Variants in NLGN1 observed in about 807,000 individuals in gnomAD.
NLGN1 encodes the protein neuroligin-1.
A neutral mutation model predicts 65.5 loss-of-function variants in NLGN1; 12 were observed. The ratio of observed to expected loss-of-function variants is 0.18; its 90% CI spans 0.12 to 0.30. The LOEUF (loss-of-function observed/expected upper bound fraction) is 0.30. Ranked by LOEUF, NLGN1 falls within the 10% of genes least tolerant of loss-of-function variation. The probability of loss-of-function intolerance (pLI) is 1.00; values close to 1 mark genes in which losing one functional copy is unlikely to be tolerated. For synonymous variants in NLGN1, 350 were observed against 359.5 expected (o/e 0.97, Z 0.30); for missense variants, 750 against 1,007.1 (o/e 0.74, Z 3.46).
At chr3:173,687,320 A>G (rs1430927448) in intron 3 of NLGN1, among the ~76,000 whole-genome samples, 1 of 152,230 alleles carries the variant, frequency 6.6e-6, no homozygotes, top group Non-Finnish European at 1.5e-5. Context: ...TGATTTTTAA[A>G]AGTAATTTTA....
intron 3 of NLGN1, among the ~76,000 whole-genome samples, chr3:173,651,732 T>A (rs531337727): frequency 6.6e-6 from 1 of 152,296 alleles, no homozygotes; most frequent in Admixed American, 6.5e-5. Context: ...CATTTTTTTT[T>A]ATGCTTGTTG....
At chr3:174,151,834 C>G (rs555396373) in intron 4 of NLGN1, among the ~76,000 whole-genome samples, 3 of 152,216 alleles carry the variant, frequency 2.0e-5, no homozygotes, top group South Asian at 4.1e-4. Context: ...CTCTTTTGCT[C>G]TTCGACTGAT....
chr3:174,124,639 A>G (rs1347647938), intron 4 of NLGN1, among the ~76,000 whole-genome samples: 1 of 144,240 alleles, frequency 6.9e-6, no homozygotes, highest in Non-Finnish European at 1.5e-5. Context: ...ATACGTATAT[A>G]TATAAGTACA....
At chr3:173,945,681 T>C (rs1189770466) in intron 4 of NLGN1, among the ~76,000 whole-genome samples, 1 of 152,222 alleles carries the variant, frequency 6.6e-6, no homozygotes, top group Non-Finnish European at 1.5e-5. Flanking sequence ...ACATTATATG[T>C]TCAGTATGTA....
intron 1 of NLGN1, among the ~76,000 whole-genome samples, chr3:173,410,343 C>A (rs1184540051): frequency 1.3e-5 from 2 of 152,220 alleles, no homozygotes; most frequent in African/African-American, 4.8e-5. Flanking sequence ...TGCTCACCTA[C>A]TAATAGCCAT....
chr3:173,533,477 G>A (rs184683244), intron 2 of NLGN1, among the ~76,000 whole-genome samples: 20 of 152,178 alleles, frequency 1.3e-4, no homozygotes, highest in Non-Finnish European at 5.9e-5. Context: ...TCTGAGATGT[G>A]GCAGGTCTTA....
At chr3:173,803,431 C>T (rs1251334873) in intron 3 of NLGN1, among the ~76,000 whole-genome samples, 1 of 151,788 alleles carries the variant, frequency 6.6e-6, no homozygotes, top group South Asian at 2.1e-4. Flanking sequence ...CAAGACTGTC[C>T]AACGTGGTGA....
chr3:173,881,243 C>T (rs930406370), intron 4 of NLGN1, among the ~76,000 whole-genome samples: 9 of 151,046 alleles, frequency 6.0e-5, no homozygotes, highest in Admixed American at 2.0e-4. Flanking sequence ...GGACAATAGG[C>T]GCACAACACC....
chr3:173,539,876 T>A (rs1738503934), intron 2 of NLGN1, among the ~76,000 whole-genome samples: 1 of 141,078 alleles, frequency 7.1e-6, no homozygotes, highest in Non-Finnish European at 1.5e-5. Flanking sequence ...TATATATATC[T>A]TATATATATG....
At chr3:173,772,872 C>T (rs1352294727) in intron 3 of NLGN1, among the ~76,000 whole-genome samples, 4 of 152,106 alleles carry the variant, frequency 2.6e-5, no homozygotes, top group African/African-American at 7.2e-5. Flanking sequence ...AGCTTCCTCT[C>T]CTTCAGCCAG....
chr3:173,514,194 G>T (rs1733458168), intron 2 of NLGN1, among the ~76,000 whole-genome samples: 1 of 152,142 alleles, frequency 6.6e-6, no homozygotes, highest in Admixed American at 6.5e-5. Context: ...TTGTATTGAA[G>T]AATAATTACC....
At chr3:173,502,497 T>C (rs538669459) in intron 2 of NLGN1, among the ~76,000 whole-genome samples, 1 of 152,260 alleles carries the variant, frequency 6.6e-6, no homozygotes, top group African/African-American at 2.4e-5. Flanking sequence ...ATTTCATTTT[T>C]CACAAAAGGG....
At chr3:173,565,063 G>A (rs915437653) in intron 2 of NLGN1, among the ~76,000 whole-genome samples, 1 of 152,168 alleles carries the variant, frequency 6.6e-6, no homozygotes, top group Non-Finnish European at 1.5e-5. Context: ...TGCCCAGGAT[G>A]ATAAGGATGA....
chr3:173,582,392 G>C (rs1424693806), intron 2 of NLGN1, among the ~76,000 whole-genome samples: 1 of 151,888 alleles, frequency 6.6e-6, no homozygotes, highest in Non-Finnish European at 1.5e-5. Context: ...TTCAACTATT[G>C]CTAAACTGCT....
intron 3 of NLGN1, among the ~76,000 whole-genome samples, chr3:173,788,489 A>G (rs543167356): frequency 6.6e-6 from 1 of 152,218 alleles, no homozygotes; most frequent in Non-Finnish European, 1.5e-5. Context: ...ACTCTATTCT[A>G]AGAGCTATAC....
chr3:173,548,539 T>C (rs1391946176), intron 2 of NLGN1, among the ~76,000 whole-genome samples: 1 of 151,664 alleles, frequency 6.6e-6, no homozygotes, highest in East Asian at 1.9e-4. Flanking sequence ...AGAAGCAGTG[T>C]GATCTGCCTG....
chr3:174,094,179 T>C (rs1449146664), intron 4 of NLGN1, among the ~76,000 whole-genome samples: 4 of 152,228 alleles, frequency 2.6e-5, no homozygotes, highest in African/African-American at 9.6e-5. Flanking sequence ...ATTTACTTTA[T>C]ATTTTATTGA....
chr3:173,789,414 T>A (rs1712137410), intron 3 of NLGN1, among the ~76,000 whole-genome samples: 1 of 152,150 alleles, frequency 6.6e-6, no homozygotes, highest in African/African-American at 2.4e-5. Flanking sequence ...AACTTCCACA[T>A]TACACGTGAA....
chr3:173,830,052 G>T (rs1203886041), intron 4 of NLGN1, among the ~76,000 whole-genome samples: 1 of 151,470 alleles, frequency 6.6e-6, no homozygotes, highest in African/African-American at 2.4e-5. Context: ...GTGTCCAACT[G>T]ATTTATCAAT....
Sources: gnomAD v4.1 joint callset for allele counts (sites outside exome capture counted in the v4.1 genomes callset) on GRCh38, gnomAD v4.1.1 for gene constraint, MANE v1.5 for transcripts, NCBI Gene and HGNC (gene_info 2026-07-23, HGNC 2026-07-21) for gene names.